The following THSD7B variants were observed in gnomAD, a reference collection of about 807,000 sequenced individuals.
THSD7B encodes the protein thrombospondin type-1 domain-containing protein 7B.
Under a neutral mutation model 213.6 loss-of-function variants are expected in THSD7B, and 138 were observed. That is an observed-to-expected ratio of 0.65 (90% CI 0.56 to 0.74). THSD7B has a LOEUF of 0.74. Among genes scored for constraint, THSD7B ranks in the 30% least tolerant of loss-of-function variants. The probability of loss-of-function intolerance (pLI) is 0.00; values close to 1 mark genes in which losing one functional copy is unlikely to be tolerated. For synonymous variants in THSD7B, 742 were observed against 687.0 expected, an observed-to-expected ratio of 1.08 and a Z score of -1.25; for missense variants, 1,931 against 1,991.5, an observed-to-expected ratio of 0.97 and a Z score of 0.58.
At position 137,178,573 on chromosome 2, in the gene THSD7B, A is replaced by G. The variant is rs190094763; in HGVS notation, c.1723+7635A>G. On this transcript the variant is annotated intron_variant, in intron 7 of 27. Transcript: ENST00000409968. ...GTTCCCTTTCATTTAGTTGTCTTGC[A>G]GTGAAATTAAAGATGAAACTCTAAT... Among the ~76,000 whole-genome samples the G allele has an allele frequency of 2.1e-3, 316 of 152,310 alleles. 1 individual carries two copies. The highest frequency in any genetic ancestry group is 7.3e-3 in the African/African-American group (305 of 41,572).
chr2:137,395,171 T>C (rs1686144871), intron 12 of THSD7B, among the ~76,000 whole-genome samples: 1 of 145,462 alleles, frequency 6.9e-6, no homozygotes, highest in Admixed American at 6.8e-5. Flanking sequence ...TCCTGCCTAA[T>C]TGCCCTGGCT....
intron 2 of THSD7B, among the ~76,000 whole-genome samples, chr2:136,898,899 C>T (rs1334486245): frequency 6.6e-6 from 1 of 151,978 alleles, no homozygotes; most frequent in East Asian, 1.9e-4. Context: ...CCTCGGCCTC[C>T]CAAAGTGCTG....
chr2:137,171,115 A>G (rs929683920), intron 7 of THSD7B, among the ~76,000 whole-genome samples, 177 bp downstream of exon 7: 1 of 152,172 alleles, frequency 6.6e-6, no homozygotes, highest in African/African-American at 2.4e-5. Context: ...GTGACTTAAT[A>G]TGGGTCCACA....
chr2:137,286,984 C>G (rs1187686859), intron 12 of THSD7B, among the ~76,000 whole-genome samples: 2 of 152,098 alleles, frequency 1.3e-5, no homozygotes, highest in Non-Finnish European at 2.9e-5. Flanking sequence ...AGGCAACAGG[C>G]AAATACTTAT....
chr2:137,379,999 C>T (rs1685738177), intron 12 of THSD7B, among the ~76,000 whole-genome samples: 1 of 152,202 alleles, frequency 6.6e-6, no homozygotes, highest in South Asian at 2.1e-4. Context: ...AATACCAATG[C>T]ATGTCCTAAC....
chr2:137,067,295 G>A (rs369957601), intron 3 of THSD7B, among the ~76,000 whole-genome samples: 3 of 152,084 alleles, frequency 2.0e-5, no homozygotes, highest in African/African-American at 7.2e-5. Context: ...TGGAACGGGG[G>A]TAATTAGACC....
chr2:137,397,753 G>A (rs1043446521), intron 12 of THSD7B, among the ~76,000 whole-genome samples: 2 of 151,766 alleles, frequency 1.3e-5, no homozygotes, highest in East Asian at 3.9e-4. Flanking sequence ...ATAATATCCT[G>A]CAGAGTGTTT....
chr2:137,036,262 G>T (rs1186650693), intron 2 of THSD7B, among the ~76,000 whole-genome samples: 1 of 152,036 alleles, frequency 6.6e-6, no homozygotes, highest in African/African-American at 2.4e-5. Flanking sequence ...TATGCTTCCT[G>T]CTTAATAGCC....
chr2:136,977,614 C>T (rs2104804899), intron 2 of THSD7B, among the ~76,000 whole-genome samples: 1 of 152,158 alleles, frequency 6.6e-6, no homozygotes, highest in East Asian at 1.9e-4. Context: ...ATAAATTTCC[C>T]TCTTAACACT....
chr2:137,050,162 A>G (rs1283432141), intron 2 of THSD7B, among the ~76,000 whole-genome samples: 1 of 152,204 alleles, frequency 6.6e-6, no homozygotes, highest in Non-Finnish European at 1.5e-5. Flanking sequence ...TAGTGATCCT[A>G]AAGACCTACT....
chr2:136,991,405 A>G (rs899796568), intron 2 of THSD7B, among the ~76,000 whole-genome samples: 2 of 152,202 alleles, frequency 1.3e-5, no homozygotes, highest in Non-Finnish European at 2.9e-5. Flanking sequence ...ATAGAAAGGT[A>G]TATTGGCTAA....
At chr2:136,894,783 C>T (rs558343272) in intron 2 of THSD7B, among the ~76,000 whole-genome samples, 150 of 152,172 alleles carry the variant, frequency 9.9e-4, no homozygotes, top group African/African-American at 3.3e-3. Flanking sequence ...CTTTTCTGCA[C>T]GTTAAAGTTT....
At chr2:136,908,290 A>T (rs1684200691) in intron 2 of THSD7B, among the ~76,000 whole-genome samples, 1 of 152,214 alleles carries the variant, frequency 6.6e-6, no homozygotes, top group South Asian at 2.1e-4. Flanking sequence ...ATTTATGTTG[A>T]TTGGCCAGTT....
chr2:137,196,171 T>G (rs1680755154), intron 7 of THSD7B, among the ~76,000 whole-genome samples: 2 of 152,098 alleles, frequency 1.3e-5, no homozygotes, highest in South Asian at 4.1e-4. Context: ...AAGAGAGACT[T>G]CTAACCCAAA....
intron 17 of THSD7B, among the ~76,000 whole-genome samples, chr2:137,615,676 G>A (rs552914121): frequency 3.9e-5 from 6 of 152,310 alleles, no homozygotes; most frequent in Admixed American, 1.3e-4. Context: ...AGGTTCTAGT[G>A]TATTGGCAAT....
chr2:137,408,173 G>T (rs1686571366), intron 13 of THSD7B, among the ~76,000 whole-genome samples: 1 of 152,020 alleles, frequency 6.6e-6, no homozygotes, highest in Non-Finnish European at 1.5e-5. Context: ...AAACAGTGAT[G>T]CTATATAATT....
At chr2:137,327,844 C>T (rs1463447427) in intron 12 of THSD7B, among the ~76,000 whole-genome samples, 1 of 152,192 alleles carries the variant, frequency 6.6e-6, no homozygotes, top group Non-Finnish European at 1.5e-5. Context: ...AAGCTGTCAA[C>T]ATCCACAGAT....
intron 15 of THSD7B, among the ~76,000 whole-genome samples, chr2:137,541,026 G>A (rs947684524): frequency 2.0e-5 from 3 of 151,620 alleles, no homozygotes; most frequent in African/African-American, 4.8e-5. Context: ...GATGTTGAAC[G>A]TGTGCCCCAA....
intron 9 of THSD7B, among the ~76,000 whole-genome samples, chr2:137,237,695 T>C (rs1426802889): frequency 6.6e-6 from 1 of 152,184 alleles, no homozygotes; most frequent in African/African-American, 2.4e-5. Flanking sequence ...GGGGAGAACC[T>C]AGGTTCCTAA....
Sources: allele counts gnomAD v4.1 joint callset (sites outside exome capture counted in the v4.1 genomes callset), GRCh38; gene constraint gnomAD v4.1.1; transcripts MANE v1.5; gene names NCBI Gene and HGNC (gene_info 2026-07-23, HGNC 2026-07-21).